ATXN7L1: variants seen among roughly 807,000 people sequenced by gnomAD.
ATXN7L1 encodes the protein ataxin 7 like 1, also known as ataxin-7-like protein 1.
Under a neutral mutation model 70.8 loss-of-function variants are expected in ATXN7L1, and 15 were observed. The ratio of observed to expected loss-of-function variants is 0.21; its 90% CI spans 0.14 to 0.33. The LOEUF is 0.33. Ranked by LOEUF, ATXN7L1 falls within the 10% of genes least tolerant of loss-of-function variation. The pLI is 1.00. For synonymous variants in ATXN7L1, 440 were observed against 445.1 expected (o/e 0.99, Z 0.14); for missense variants, 975 against 1,097.1 (o/e 0.89, Z 1.57).
chr7:105,730,187 G>A (rs1170750307), intron 3 of ATXN7L1, among the ~76,000 whole-genome samples: 1 of 152,108 alleles, frequency 6.6e-6, no homozygotes, highest in African/African-American at 2.4e-5. Flanking sequence ...CCTCAGTCAG[G>A]TGATCAAGGT....
At chr7:105,775,371 A>G (rs950179212) in intron 3 of ATXN7L1, among the ~76,000 whole-genome samples, 1 of 152,244 alleles carries the variant, frequency 6.6e-6, no homozygotes, top group African/African-American at 2.4e-5. Context: ...CTGCGGGTTT[A>G]GAAAAGATAT....
intron 2 of ATXN7L1, among the ~76,000 whole-genome samples, chr7:105,852,278 C>T (rs1222359799): frequency 1.3e-5 from 2 of 152,154 alleles, no homozygotes; most frequent in Non-Finnish European, 2.9e-5. Context: ...TCTGTAATTG[C>T]ACAAGGTTGC....
At chr7:105,739,468 G>A (rs1797773969) in intron 3 of ATXN7L1, among the ~76,000 whole-genome samples, 2 of 152,098 alleles carry the variant, frequency 1.3e-5, no homozygotes, top group South Asian at 2.1e-4. Flanking sequence ...GGCTAGCCAG[G>A]GCAACCACAT....
At chr7:105,660,576 C>CTTTTTTTTTTTTT (rs34008024) in intron 4 of ATXN7L1, among the ~76,000 whole-genome samples, 2 of 78,140 alleles carry the variant, frequency 2.6e-5, no homozygotes, top group Non-Finnish European at 4.5e-5. Context: ...CGGAAGTGAC[C>CTTTTTTTTTTTTT]TTTTTTTTTT....
chr7:105,819,863 A>G (rs929348651), intron 2 of ATXN7L1: 7 of 598,740 alleles, frequency 1.2e-5, no homozygotes, highest in South Asian at 7.0e-5. Flanking sequence ...GCTGCCCTCA[A>G]GGTCATGCAT....
At chr7:105,851,486 T>C (rs754246553) in intron 2 of ATXN7L1, among the ~76,000 whole-genome samples, 2 of 152,210 alleles carry the variant, frequency 1.3e-5, no homozygotes, top group African/African-American at 2.4e-5. Context: ...ATCATGTCAA[T>C]AGGGCTAGAT....
intron 3 of ATXN7L1, among the ~76,000 whole-genome samples, chr7:105,723,997 G>A (rs1387592527): frequency 6.6e-6 from 1 of 152,234 alleles, no homozygotes; most frequent in Non-Finnish European, 1.5e-5. Flanking sequence ...TTGATGTAAC[G>A]AGGATATTTG....
chr7:105,843,704 G>A (rs1298138828), intron 2 of ATXN7L1, among the ~76,000 whole-genome samples: 1 of 152,206 alleles, frequency 6.6e-6, no homozygotes, highest in African/African-American at 2.4e-5. Flanking sequence ...TCTTTTCAAT[G>A]CTGCCTTCTG....
Position 105,614,472 on chromosome 7 carries a change from G to T in ATXN7L1, c.1862C>A (p.Thr621Asn). The part of the protein sequence containing the change: ...IPSPSHKPSK[T>N]KTSKSSKVKD... Reference sequence around the variant, plus strand: ...GACTTTTGAGGATTTGCTGGTTTTGGTTTTGGATGGCTTGTGGGATGGGGA... The same window carrying T: ...GACTTTTGAGGATTTGCTGGTTTTGTTTTTGGATGGCTTGTGGGATGGGGA... Residue 621 changes from threonine to asparagine, a missense_variant, in exon 10 of 12, where the codon ACC (threonine) becomes AAC (asparagine). Coordinates refer to ENST00000419735, the MANE Select transcript of ATXN7L1 (RefSeq NM_020725.2). The surrounding 1 kb of genome is among the most constrained non-coding windows in gnomAD (Gnocchi z 4.3). The T allele has an allele frequency of 1.3e-6, 2 of 1,537,280 alleles. No individual in the cohort carries two copies. The highest frequency in any genetic ancestry group is 1.8e-6 in the Non-Finnish European group (2 of 1,138,986).
chr7:105,732,960 G>A (rs1489775832), intron 3 of ATXN7L1, among the ~76,000 whole-genome samples: 2 of 152,176 alleles, frequency 1.3e-5, no homozygotes, highest in African/African-American at 2.4e-5. Flanking sequence ...CTGCTCAAAT[G>A]ACACTGTATC....
intron 2 of ATXN7L1, among the ~76,000 whole-genome samples, chr7:105,789,396 C>G (rs1023974722): frequency 9.2e-5 from 14 of 152,222 alleles, no homozygotes; most frequent in African/African-American, 3.4e-4. Flanking sequence ...CAGACCACCA[C>G]ACAAGTCATC....
At chr7:105,858,362 G>A (rs897775735) in intron 2 of ATXN7L1, among the ~76,000 whole-genome samples, 2 of 152,218 alleles carry the variant, frequency 1.3e-5, no homozygotes, top group Non-Finnish European at 2.9e-5. Context: ...CCCTGTTGAT[G>A]GGAAAGATGT....
chr7:105,626,585 C>T (rs1204260481), intron 7 of ATXN7L1, among the ~76,000 whole-genome samples: 4 of 152,282 alleles, frequency 2.6e-5, no homozygotes, highest in East Asian at 1.9e-4. Context: ...CTATCACCTT[C>T]CTGTACTATA....
At chr7:105,758,124 C>A (rs1370796026) in intron 3 of ATXN7L1, among the ~76,000 whole-genome samples, 1 of 152,116 alleles carries the variant, frequency 6.6e-6, no homozygotes, top group East Asian at 1.9e-4. Flanking sequence ...TGAGGTTTCC[C>A]ACCTCGGCCT....
intron 4 of ATXN7L1, among the ~76,000 whole-genome samples, chr7:105,650,113 A>G (rs1379659044): frequency 6.6e-6 from 1 of 152,252 alleles, no homozygotes; most frequent in Non-Finnish European, 1.5e-5. Flanking sequence ...GAAATTATTT[A>G]TATCCAATCT....
At chr7:105,847,210 A>C (rs1401368029) in intron 2 of ATXN7L1, among the ~76,000 whole-genome samples, 2 of 152,200 alleles carry the variant, frequency 1.3e-5, no homozygotes, top group African/African-American at 4.8e-5. Flanking sequence ...TGTTCCCTGA[A>C]AAGGCACCTC....
chr7:105,639,695 T>C, intron 5 of ATXN7L1, 126 bp from the exon 6 acceptor site: 1 of 711,986 alleles, frequency 1.4e-6, no homozygotes, highest in Non-Finnish European at 2.3e-6. Context: ...GCAATCTGTT[T>C]TTTGTTTTTT....
intron 2 of ATXN7L1, among the ~76,000 whole-genome samples, chr7:105,818,893 ATTT>A (rs36115790): frequency 2.0e-5 from 3 of 146,640 alleles, no homozygotes; most frequent in Admixed American, 6.8e-5. Context: ...TACCCACTGC[ATTT>A]TTTTTTTTTT....
intron 2 of ATXN7L1, among the ~76,000 whole-genome samples, chr7:105,789,466 C>A (rs1804811218): frequency 6.6e-6 from 1 of 152,128 alleles, no homozygotes; most frequent in Non-Finnish European, 1.5e-5. Flanking sequence ...TGGGAGTGTG[C>A]GGCAGGTGGC....
Sources: gnomAD v4.1 joint callset for allele counts (sites outside exome capture counted in the v4.1 genomes callset) on GRCh38, gnomAD v4.1.1 for gene constraint, Gnocchi (gnomAD v3.1) non-coding constraint, MANE v1.5 for transcripts, NCBI Gene and HGNC (gene_info 2026-07-23, HGNC 2026-07-21) for gene names.